PRIM2: variants seen among roughly 807,000 people sequenced by gnomAD.
PRIM2 encodes the protein DNA primase subunit 2.
Under a neutral mutation model 67.3 loss-of-function variants are expected in PRIM2, and 39 were observed. That is an observed-to-expected ratio of 0.58 (90% CI 0.45 to 0.76). The LOEUF is 0.76. PRIM2 is among the 30% of genes least tolerant of loss of function. The pLI is 0.00. For missense variants in PRIM2, 398 were observed against 598.7 expected (o/e 0.66, Z 3.50); for synonymous variants, 143 against 198.7 (o/e 0.72, Z 2.36).
intron 7 of PRIM2, among the ~76,000 whole-genome samples, chr6:57,464,349 C>G (rs2397314): frequency 3.3e-5 from 5 of 151,962 alleles, no homozygotes. Context: ...GTGATCTCAG[C>G]TCACTTCAAC....
rs150561435 is a variant in PRIM2 at position 57,438,475 on chromosome 6, T to A, written c.693+56307T>A. On this transcript the variant is annotated intron_variant, in intron 7 of 13. Coordinates refer to ENST00000615550, the MANE Select transcript of PRIM2 (RefSeq NM_000947.5). ...TTCTGAAATGACCAGCTTTGATGAA[T>A]GTGATTATACTTTAAAATTAAGGTA... Among the ~76,000 whole-genome samples, 32 of 152,154 alleles carry A rather than the reference T, an allele frequency of 2.1e-4. No homozygotes were observed. In the East Asian group the frequency reaches 6.0e-3, roughly 28 times the overall value.
intron 7 of PRIM2, among the ~76,000 whole-genome samples, chr6:57,425,402 A>T (rs1301502709): frequency 1.3e-5 from 2 of 152,040 alleles, no homozygotes; most frequent in African/African-American, 2.4e-5. Context: ...TTTTTAGTAG[A>T]GATGGGGTTT....
At chr6:57,462,247 G>A (rs1773033161) in intron 7 of PRIM2, among the ~76,000 whole-genome samples, 3 of 152,064 alleles carry the variant, frequency 2.0e-5, no homozygotes, top group South Asian at 2.1e-4. Context: ...AAATGATGAA[G>A]GTATTAGAAA....
At chr6:57,423,839 A>G (rs1023853288) in intron 7 of PRIM2, among the ~76,000 whole-genome samples, 1 of 152,226 alleles carries the variant, frequency 6.6e-6, no homozygotes, top group African/African-American at 2.4e-5. Context: ...GAGGCAGTGA[A>G]TTGCCCAGTC....
chr6:57,284,537 AT>A, the PRIM2 span, among the ~76,000 whole-genome samples: 4 of 152,148 alleles, frequency 2.6e-5, no homozygotes, highest in Admixed American at 1.3e-4. Flanking sequence ...AGACTGAAAA[AT>A]GTCTCTCTCC....
At chr6:57,586,269 T>G (rs1380977624) in intron 10 of PRIM2, among the ~76,000 whole-genome samples, 1 of 152,254 alleles carries the variant, frequency 6.6e-6, no homozygotes, top group African/African-American at 2.4e-5. Context: ...CATAAGATAA[T>G]TATCTGATGG....
At chr6:57,341,991 G>A (rs1768509558) in intron 5 of PRIM2, among the ~76,000 whole-genome samples, 1 of 152,140 alleles carries the variant, frequency 6.6e-6, no homozygotes, top group Admixed American at 6.5e-5. Flanking sequence ...CTTTTATGTT[G>A]ATCTACTTCT....
intron 7 of PRIM2, among the ~76,000 whole-genome samples, chr6:57,398,372 AG>A (rs1169594561): frequency 6.6e-6 from 1 of 152,148 alleles, no homozygotes; most frequent in African/African-American, 2.4e-5. Flanking sequence ...TTAGTTTAAA[AG>A]AACTTCTTAA....
chr6:57,442,352 C>T (rs999807066), intron 7 of PRIM2, among the ~76,000 whole-genome samples: 1 of 151,926 alleles, frequency 6.6e-6, no homozygotes, highest in Non-Finnish European at 1.5e-5. Flanking sequence ...TTGTGAGACA[C>T]AGCTCATGGC....
chr6:57,397,863 G>C (rs112847060), intron 7 of PRIM2, among the ~76,000 whole-genome samples: 3,322 of 145,352 alleles, frequency 0.023, 107 homozygotes, highest in South Asian at 0.075. Flanking sequence ...TCTTTCAGTT[G>C]TGATATTAAG....
At chr6:57,471,923 GAAAGGTATTAT>G (rs1478547264) in intron 7 of PRIM2, among the ~76,000 whole-genome samples, 5 of 152,036 alleles carry the variant, frequency 3.3e-5, no homozygotes, top group African/African-American at 1.2e-4. Context: ...TTTAAAAGAT[GAAAGGTATTAT>G]AAAGCAGCTT....
At chr6:57,240,574 AG>A in the PRIM2 span, among the ~76,000 whole-genome samples, 1 of 152,210 alleles carries the variant, frequency 6.6e-6, no homozygotes, top group African/African-American at 2.4e-5. Context: ...AGACCAGCAC[AG>A]GTGAGAGGTA....
At chr6:57,529,378 C>T (rs1246249538) in intron 8 of PRIM2, among the ~76,000 whole-genome samples, 1 of 151,750 alleles carries the variant, frequency 6.6e-6, no homozygotes, top group Non-Finnish European at 1.5e-5. Flanking sequence ...ATTCCCAATG[C>T]CCCATGCTGC....
the PRIM2 span, chr6:57,221,620 G>C: frequency 2.0e-5 from 3 of 152,374 alleles, no homozygotes; most frequent in Non-Finnish European, 4.4e-5. Context: ...TTCCCCAGTC[G>C]GGACTTGGGG....
intron 7 of PRIM2, among the ~76,000 whole-genome samples, chr6:57,473,229 C>G (rs1420241322): frequency 1.3e-5 from 2 of 152,142 alleles, no homozygotes; most frequent in East Asian, 1.9e-4. Context: ...AGCTGTTTAA[C>G]ATTGTAGGGT....
At chr6:57,244,353 C>T in the PRIM2 span, among the ~76,000 whole-genome samples, 1 of 152,186 alleles carries the variant, frequency 6.6e-6, no homozygotes, top group Non-Finnish European at 1.5e-5. Context: ...CTTCCAAATT[C>T]CTTTTCAGAG....
chr6:57,444,675 T>C (rs1472093353), intron 7 of PRIM2, among the ~76,000 whole-genome samples: 2 of 152,220 alleles, frequency 1.3e-5, no homozygotes, highest in African/African-American at 4.8e-5. Context: ...AGATACATGT[T>C]TGTTTTACAA....
At chr6:57,347,471 C>T (rs989879428) in intron 5 of PRIM2, among the ~76,000 whole-genome samples, 1 of 152,096 alleles carries the variant, frequency 6.6e-6, no homozygotes, top group Admixed American at 6.5e-5. Context: ...GTGGTAGAGA[C>T]AGTTTTGCTC....
At chr6:57,466,705 T>C (rs1686117274) in intron 7 of PRIM2, among the ~76,000 whole-genome samples, 1 of 152,230 alleles carries the variant, frequency 6.6e-6, no homozygotes, top group African/African-American at 2.4e-5. Context: ...TCTTTGTAGA[T>C]TCTGGATATT....
Sources: allele counts gnomAD v4.1 joint callset (sites outside exome capture counted in the v4.1 genomes callset), GRCh38; gene constraint gnomAD v4.1.1; transcripts MANE v1.5; gene names NCBI Gene and HGNC (gene_info 2026-07-23, HGNC 2026-07-21).